The following INVS variants were observed in gnomAD, a reference collection of about 807,000 sequenced individuals.
The protein encoded by INVS is inversion of embryo turning homolog.
Under a neutral mutation model 108.8 loss-of-function variants are expected in INVS, and 86 were observed. That is an observed-to-expected ratio of 0.79 (90% CI 0.66 to 0.95). INVS has a LOEUF of 0.95. Among genes scored for constraint, INVS ranks in the 40% least tolerant of loss-of-function variants. The pLI, the probability that INVS is intolerant of heterozygous loss-of-function variation, is 0.00. For synonymous variants in INVS, 455 were observed against 473.5 expected, an observed-to-expected ratio of 0.96 and a Z score of 0.51; for missense variants, 1,169 against 1,297.4, an observed-to-expected ratio of 0.90 and a Z score of 1.52.
intron 2 of INVS, among the ~76,000 whole-genome samples, chr9:100,104,979 A>G (rs992787335): frequency 3.3e-5 from 5 of 152,192 alleles, no homozygotes; most frequent in Non-Finnish European, 7.3e-5. Context: ...AAGTTTACAA[A>G]TGATTTAATT....
chr9:100,179,920 G>A (rs1271223759), intron 3 of INVS, among the ~76,000 whole-genome samples: 2 of 152,078 alleles, frequency 1.3e-5, no homozygotes, highest in African/African-American at 4.8e-5. Context: ...AAATGCAAAA[G>A]AATGGAAATC....
chr9:100,258,945 G>A (rs1205154868), intron 10 of INVS, among the ~76,000 whole-genome samples: 1 of 152,256 alleles, frequency 6.6e-6, no homozygotes, highest in African/African-American at 2.4e-5. Flanking sequence ...CTTCAAAGCT[G>A]TCAGACAGGG....
At chr9:100,229,632 TTA>T (rs1297400747) in intron 4 of INVS, 26 bp from the exon 5 acceptor site, 1 of 1,610,198 alleles carries the variant, frequency 6.2e-7, no homozygotes, top group South Asian at 1.1e-5. Context: ...GTTACTGTTG[TTA>T]TTTCGAGAAC....
intron 3 of INVS, chr9:100,175,708 C>G: frequency 1.6e-6 from 1 of 630,154 alleles, no homozygotes; most frequent in South Asian, 1.5e-5. Context: ...GCGAACATGT[C>G]TGGGAACCTT....
rs777556837 is a variant in INVS, at chr9:100,284,605, T to C, written c.2068+2T>C. The stretch of plus-strand genomic sequence containing the variant: ...GAACAAACTCCAGAAGGCCAAATGG[T>C]AGGTGTATTGCCTTTGTCATCTTCT... On this transcript the variant is annotated splice_donor_variant, in intron 13 of 16. Coordinates refer to ENST00000262457, the MANE Select transcript of INVS (RefSeq NM_014425.5). LOFTEE classifies it high-confidence loss of function. The C allele has an allele frequency of 8.1e-6, 13 of 1,612,628 alleles. No homozygotes were observed. The highest frequency in any genetic ancestry group is 9.3e-6 in the Non-Finnish European group (11 of 1,179,430).
intron 11 of INVS, among the ~76,000 whole-genome samples, chr9:100,266,376 G>A (rs774797748): frequency 2.0e-5 from 3 of 152,168 alleles, no homozygotes; most frequent in Non-Finnish European, 4.4e-5. Flanking sequence ...GAGGGCTGCT[G>A]GTTACCCGTT....
chr9:100,244,224 C>A (rs1414986157), intron 7 of INVS, among the ~76,000 whole-genome samples: 1 of 152,132 alleles, frequency 6.6e-6, no homozygotes. Context: ...TTTGACAAAT[C>A]ATTATCTATT....
At chr9:100,187,525 C>CTTTTT (rs34728274) in intron 3 of INVS, among the ~76,000 whole-genome samples, 7 of 105,536 alleles carry the variant, frequency 6.6e-5, no homozygotes, top group African/African-American at 1.8e-4. Context: ...TCTATGATTT[C>CTTTTT]TTTTTTTTTT....
At chr9:100,212,880 G>C (rs990097578) in intron 3 of INVS, among the ~76,000 whole-genome samples, 1 of 151,982 alleles carries the variant, frequency 6.6e-6, no homozygotes, top group Non-Finnish European at 1.5e-5. Flanking sequence ...GTCTTAGTTT[G>C]CTTGGCCTTC....
At chr9:100,243,833 A>T (rs886374355) in intron 7 of INVS, among the ~76,000 whole-genome samples, 2 of 152,142 alleles carry the variant, frequency 1.3e-5, no homozygotes, top group African/African-American at 2.4e-5. Context: ...AACATGGTGG[A>T]AACCCCGTTT....
At position 100,292,797 on chromosome 9, in the gene INVS, A is replaced by G. The variant is rs148073857; in HGVS notation, c.2540A>G (p.His847Arg). 4.6e-5 allele frequency: 74 copies of G among 1,613,998 alleles called. No homozygotes were observed. Among genetic ancestry groups the G allele is most frequent in the Non-Finnish European group, 5.8e-5 (69 of 1,180,030 alleles). The change falls in exon 14 of 17, where the codon CAT becomes CGT. Residue 847 changes from histidine (H) to arginine (R), a missense_variant. By Grantham distance (29) the His-to-Arg change is conservative. Coordinates refer to ENST00000262457, the MANE Select transcript of INVS (RefSeq NM_014425.5). ...QAKLTGGLYS[H>R]LPQSTEELRS... ...AAGCTCACAGGAGGGCTCTATTCAC[A>G]TTTGCCACAGAGCACAGAGGAGTTG... is the stretch of plus-strand genomic sequence containing the variant.
chr9:100,165,466 C>T (rs897469609), intron 3 of INVS, among the ~76,000 whole-genome samples: 5 of 152,030 alleles, frequency 3.3e-5, no homozygotes, highest in African/African-American at 1.2e-4. Context: ...AGAGAAACTT[C>T]CCCATATCTA....
At chr9:100,222,835 T>C (rs1831195150) in intron 3 of INVS, among the ~76,000 whole-genome samples, 1 of 151,790 alleles carries the variant, frequency 6.6e-6, no homozygotes, top group African/African-American at 2.4e-5. Context: ...TTTTTTTTTT[T>C]TCCCCAAAGA....
At chr9:100,286,578 G>T (rs912204590) in intron 13 of INVS, among the ~76,000 whole-genome samples, 1 of 152,072 alleles carries the variant, frequency 6.6e-6, no homozygotes, top group Non-Finnish European at 1.5e-5. Flanking sequence ...AACATTTCTG[G>T]AATATAATTC....
At chr9:100,161,765 C>A (rs1003801438) in intron 3 of INVS, among the ~76,000 whole-genome samples, 1 of 152,140 alleles carries the variant, frequency 6.6e-6, no homozygotes, top group Non-Finnish European at 1.5e-5. Context: ...GTTGATTTAA[C>A]TCTTGCTAAT....
intron 10 of INVS, among the ~76,000 whole-genome samples, chr9:100,254,236 G>A (rs573274979): frequency 3.9e-4 from 59 of 152,116 alleles, no homozygotes; most frequent in Non-Finnish European, 8.4e-4. Context: ...GTCTGTTCAT[G>A]TCCTTCGCCC....
chr9:100,199,960 G>A (rs886611453), intron 3 of INVS, among the ~76,000 whole-genome samples: 4 of 151,998 alleles, frequency 2.6e-5, no homozygotes, highest in Admixed American at 6.5e-5. Context: ...TTGTCCTACA[G>A]GTCATTGAGG....
chr9:100,234,146 G>A (rs965293443), intron 5 of INVS, among the ~76,000 whole-genome samples: 6 of 152,178 alleles, frequency 3.9e-5, no homozygotes, highest in Non-Finnish European at 8.8e-5. Context: ...AGATTTTCCA[G>A]TTTATTTGCA....
chr9:100,151,867 T>G (rs1828818357), intron 3 of INVS, among the ~76,000 whole-genome samples: 1 of 152,222 alleles, frequency 6.6e-6, no homozygotes, highest in Non-Finnish European at 1.5e-5. Context: ...TCTGATGAGC[T>G]CAGAGTGTTA....
Sources: allele counts gnomAD v4.1 joint callset (sites outside exome capture counted in the v4.1 genomes callset), GRCh38; gene constraint gnomAD v4.1.1; transcripts MANE v1.5; gene names NCBI Gene and HGNC (gene_info 2026-07-23, HGNC 2026-07-21).